SOX6: variants seen among roughly 807,000 people sequenced by gnomAD.
SOX6 encodes transcription factor SOX-6.
SOX6 carries 11 observed loss-of-function variants against 97.8 expected under a neutral mutation model. The observed-to-expected ratio is 0.11, with a 90% CI of 0.07 to 0.19. The LOEUF is 0.19. SOX6 is among the 10% of genes least tolerant of loss of function. The probability of loss-of-function intolerance (pLI) is 1.00; values close to 1 mark genes in which losing one functional copy is unlikely to be tolerated. For synonymous variants in SOX6, 360 were observed against 371.4 expected, an observed-to-expected ratio of 0.97 and a Z score of 0.35; for missense variants, 810 against 1,039.5, an observed-to-expected ratio of 0.78 and a Z score of 3.04.
chr11:16,223,231 A>G (rs1014014381), intron 4 of SOX6, among the ~76,000 whole-genome samples: 1 of 152,222 alleles, frequency 6.6e-6, no homozygotes, highest in East Asian at 1.9e-4. Context: ...AAGTCTCTAA[A>G]TCAGTGACCC....
At chr11:16,547,401 T>C (rs902292513) in intron 4 of SOX6, among the ~76,000 whole-genome samples, 1 of 151,856 alleles carries the variant, frequency 6.6e-6, no homozygotes, top group Non-Finnish European at 1.5e-5. Context: ...GAAATATATA[T>C]ATACAAACAT....
At chr11:16,518,892 C>T (rs762365219) in intron 4 of SOX6, among the ~76,000 whole-genome samples, 2 of 152,050 alleles carry the variant, frequency 1.3e-5, no homozygotes, top group Admixed American at 6.5e-5. Context: ...TTCAAAAAAC[C>T]TCTATTTCTC....
chr11:16,501,290 A>G (rs2133143153), intron 4 of SOX6, among the ~76,000 whole-genome samples: 1 of 152,222 alleles, frequency 6.6e-6, no homozygotes, highest in Non-Finnish European at 1.5e-5. Flanking sequence ...CCTTCCTTAC[A>G]CCTTATATAA....
At chr11:16,645,057 G>A (rs940351257) in intron 3 of SOX6, among the ~76,000 whole-genome samples, 4 of 152,186 alleles carry the variant, frequency 2.6e-5, no homozygotes, top group Non-Finnish European at 4.4e-5. Flanking sequence ...CAGCCTTCAT[G>A]TATCGGGAAT....
At chr11:15,983,445 G>A (rs1027645387) in intron 15 of SOX6, among the ~76,000 whole-genome samples, 1 of 152,014 alleles carries the variant, frequency 6.6e-6, no homozygotes, top group Non-Finnish European at 1.5e-5. Context: ...ACTTTTATTG[G>A]CTTGAAAGTT....
intron 13 of SOX6, among the ~76,000 whole-genome samples, chr11:16,012,486 C>T (rs1381333317): frequency 3.9e-5 from 6 of 151,964 alleles, no homozygotes; most frequent in Non-Finnish European, 4.4e-5. Context: ...TCACATGCTC[C>T]TTAAGCTCCT....
At chr11:16,040,017 C>T (rs1855617927) in intron 12 of SOX6, among the ~76,000 whole-genome samples, 1 of 151,838 alleles carries the variant, frequency 6.6e-6, no homozygotes, top group Non-Finnish European at 1.5e-5. Flanking sequence ...TCTATAAAAT[C>T]CTCATAATTA....
At chr11:16,128,929 C>T (rs755523771) in intron 6 of SOX6, among the ~76,000 whole-genome samples, 6 of 152,096 alleles carry the variant, frequency 3.9e-5, no homozygotes, top group East Asian at 1.9e-4. Flanking sequence ...AGCGCAATCT[C>T]GGCTCACCGC....
rs371434561 is a variant in SOX6 at position 16,521,062 on chromosome 11, A to G, written n.610-44674T>C. 2.5e-4 allele frequency among the ~76,000 whole-genome samples: 38 copies of G among 152,338 alleles called. No homozygotes were observed. The East Asian group carries it at 6.2e-3, about 25-fold the overall frequency. On this transcript the variant is annotated intron_variant and non_coding_transcript_variant, in intron 4 of 5. Transcript: ENST00000524520. ...CACCTCTGGGGGCAGGGCACCGACAAACGAAAAGACAGCAGTAACCTCTGC... is the reference window on the plus strand; with the variant it reads ...CACCTCTGGGGGCAGGGCACCGACAGACGAAAAGACAGCAGTAACCTCTGC...
chr11:16,251,056 CA>C (rs1157136887), intron 3 of SOX6, among the ~76,000 whole-genome samples: 1 of 151,842 alleles, frequency 6.6e-6, no homozygotes, highest in Admixed American at 6.6e-5. Context: ...ATCTATGGGG[CA>C]AAAATAAACA....
At chr11:16,235,555 G>T (rs1353997718) in intron 3 of SOX6, among the ~76,000 whole-genome samples, 1 of 151,972 alleles carries the variant, frequency 6.6e-6, no homozygotes, top group African/African-American at 2.4e-5. Flanking sequence ...AGGGAATGCA[G>T]ATTTAAATAC....
chr11:16,284,386 T>G (rs1433318691), intron 3 of SOX6, among the ~76,000 whole-genome samples: 3 of 152,156 alleles, frequency 2.0e-5, no homozygotes, highest in Admixed American at 2.0e-4. Context: ...CTAGTTTTAC[T>G]GTACGTGGAT....
At chr11:16,423,606 G>A (rs1268786471) in intron 1 of SOX6, among the ~76,000 whole-genome samples, 1 of 152,124 alleles carries the variant, frequency 6.6e-6, no homozygotes, top group African/African-American at 2.4e-5. Context: ...CTAACTGCTT[G>A]CATCCCTGTC....
intron 1 of SOX6, among the ~76,000 whole-genome samples, chr11:16,435,702 G>A (rs1859362614): frequency 2.0e-5 from 3 of 151,696 alleles, no homozygotes; most frequent in South Asian, 4.2e-4. Context: ...AGCAGCCCTA[G>A]GAAATTAATA....
At chr11:16,420,747 T>C (rs1490253077) in intron 1 of SOX6, among the ~76,000 whole-genome samples, 1 of 152,224 alleles carries the variant, frequency 6.6e-6, no homozygotes, top group South Asian at 2.1e-4. Context: ...GAAAAGTCTA[T>C]TGCTTATTAA....
chr11:16,223,385 G>T (rs1203484275), intron 4 of SOX6, among the ~76,000 whole-genome samples: 1 of 152,064 alleles, frequency 6.6e-6, no homozygotes, highest in Non-Finnish European at 1.5e-5. Context: ...ACCCCAAAAT[G>T]TTATGAAATC....
chr11:16,372,196 G>A (rs73429696), intron 1 of SOX6, among the ~76,000 whole-genome samples: 5,143 of 152,002 alleles, frequency 0.034, 256 homozygotes, highest in African/African-American at 0.11. Context: ...TCTCCTGAAA[G>A]TATAGACTGT....
intron 3 of SOX6, among the ~76,000 whole-genome samples, chr11:16,624,510 A>G (rs973940933): frequency 1.3e-5 from 2 of 152,102 alleles, no homozygotes; most frequent in Non-Finnish European, 2.9e-5. Flanking sequence ...CATTCTATGT[A>G]TATATGACCA....
intron 6 of SOX6, among the ~76,000 whole-genome samples, chr11:16,150,339 T>C (rs1440054390): frequency 6.6e-6 from 1 of 152,110 alleles, no homozygotes; most frequent in Non-Finnish European, 1.5e-5. Flanking sequence ...TTAGCACAAA[T>C]AGAAATGGCC....
Sources: gnomAD v4.1 joint callset for allele counts (sites outside exome capture counted in the v4.1 genomes callset) on GRCh38, gnomAD v4.1.1 for gene constraint, MANE v1.5 for transcripts, NCBI Gene and HGNC (gene_info 2026-07-23, HGNC 2026-07-21) for gene names.